The following PCDH9 variants were observed in gnomAD, a reference collection of about 807,000 sequenced individuals.
The protein encoded by PCDH9 is protocadherin-9.
PCDH9 carries 24 observed loss-of-function variants against 70.6 expected under a neutral mutation model. The ratio of observed to expected loss-of-function variants is 0.34; its 90% CI spans 0.25 to 0.48. The LOEUF is 0.48. PCDH9 is among the 20% of genes least tolerant of loss of function. The pLI is 0.99. For missense variants in PCDH9, 1,281 were observed against 1,503.6 expected, an observed-to-expected ratio of 0.85 and a Z score of 2.45; for synonymous variants, 562 against 558.5, an observed-to-expected ratio of 1.01 and a Z score of -0.09.
intron 4 of PCDH9, among the ~76,000 whole-genome samples, chr13:66,614,103 G>C (rs2077327033): frequency 6.6e-6 from 1 of 152,146 alleles, no homozygotes; most frequent in African/African-American, 2.4e-5. Context: ...GTTAAAAATT[G>C]CTAGGAGTTA....
intron 2 of PCDH9, among the ~76,000 whole-genome samples, chr13:66,958,678 TA>T (rs1384344835): frequency 6.6e-6 from 1 of 152,216 alleles, no homozygotes; most frequent in Non-Finnish European, 1.5e-5. Context: ...TTTGTTCTTT[TA>T]TTTTTTTCAT....
chr13:66,881,971 A>C (rs1028869448), intron 3 of PCDH9, among the ~76,000 whole-genome samples: 6 of 152,198 alleles, frequency 3.9e-5, no homozygotes. Flanking sequence ...TTATGTATAA[A>C]CTATTAAATC....
At chr13:66,761,977 G>GA (rs1369452449) in intron 3 of PCDH9, among the ~76,000 whole-genome samples, 1 of 151,196 alleles carries the variant, frequency 6.6e-6, no homozygotes, top group Non-Finnish European at 1.5e-5. Flanking sequence ...CCTACACATT[G>GA]AAAAAACATT....
chr13:66,579,109 G>A (rs1260404561), intron 4 of PCDH9, among the ~76,000 whole-genome samples: 2 of 152,028 alleles, frequency 1.3e-5, no homozygotes, highest in Non-Finnish European at 2.9e-5. Context: ...TGTAATGGAA[G>A]CCCCTCTATT....
intron 4 of PCDH9, among the ~76,000 whole-genome samples, chr13:66,539,274 C>T (rs2138652202): frequency 6.6e-6 from 1 of 152,174 alleles, no homozygotes; most frequent in Non-Finnish European, 1.5e-5. Context: ...TTACCATTTA[C>T]ATCTTGATAT....
chr13:66,965,909 C>T (rs1045188154), intron 2 of PCDH9, among the ~76,000 whole-genome samples: 6 of 151,694 alleles, frequency 4.0e-5, no homozygotes, highest in Non-Finnish European at 8.8e-5. Context: ...CAAATCAATA[C>T]CAAGTCATAT....
intron 3 of PCDH9, among the ~76,000 whole-genome samples, chr13:66,691,064 G>T (rs1388218854): frequency 6.6e-6 from 1 of 151,850 alleles, no homozygotes; most frequent in African/African-American, 2.4e-5. Context: ...TTGAGATGGA[G>T]TCTCACCCTG....
intron 3 of PCDH9, among the ~76,000 whole-genome samples, chr13:66,882,043 T>G (rs377432242): frequency 1.2e-4 from 18 of 152,318 alleles, no homozygotes; most frequent in African/African-American, 4.3e-4. Context: ...AACTTACTAT[T>G]GTATTGAATA....
chr13:66,390,733 C>A (rs895917815), intron 4 of PCDH9, among the ~76,000 whole-genome samples: 41 of 137,982 alleles, frequency 3.0e-4, no homozygotes, highest in African/African-American at 3.4e-4. Context: ...GGAGTCATCT[C>A]AAAAAAAAAA....
At chr13:67,107,056 C>T (rs2086560676) in intron 2 of PCDH9, among the ~76,000 whole-genome samples, 1 of 152,150 alleles carries the variant, frequency 6.6e-6, no homozygotes, top group African/African-American at 2.4e-5. Context: ...CAGACAGGCT[C>T]CTTGATGGAA....
chr13:67,226,991 G>A lies in PCDH9; in HGVS notation c.1450C>T (p.Arg484Cys). 1 of 1,614,116 alleles carries A rather than the reference G, an allele frequency of 6.2e-7. No homozygotes were observed. The highest frequency in any genetic ancestry group is 8.5e-7 in the Non-Finnish European group (1 of 1,180,024). Residue 484 changes from arginine to cysteine, a missense_variant, in exon 2 of 5, where the codon CGT becomes TGT. This residue lies in a region of PCDH9 where 798 missense variants were observed against 1,003.1 expected (regional missense o/e 0.80). Transcript: ENST00000377865. The surrounding 1 kb of genome is among the most constrained non-coding windows in gnomAD (Gnocchi z 5.0). Reference protein sequence around the residue: ...IELSVSENNRRGLYLTTISAT... With the variant: ...IELSVSENNRCGLYLTTISAT... ...CTAATAGTTGTTAAGTATAACCCACGTCGGTTGTTTTCAGAAACTGACAGC... is the reference window on the plus strand; with the variant it reads ...CTAATAGTTGTTAAGTATAACCCACATCGGTTGTTTTCAGAAACTGACAGC...
chr13:66,944,815 C>CTGTGTGTGTGTGTG (rs1412776510), intron 2 of PCDH9, among the ~76,000 whole-genome samples: 1 of 60,072 alleles, frequency 1.7e-5, no homozygotes, highest in African/African-American at 8.0e-5. Context: ...TTCTAATCGT[C>CTGTGTGTGTGTGTG]TCTGTGTGTG....
At chr13:67,191,955 AAC>A (rs963842545) in intron 2 of PCDH9, among the ~76,000 whole-genome samples, 1 of 152,140 alleles carries the variant, frequency 6.6e-6, no homozygotes, top group African/African-American at 2.4e-5. Context: ...GGAGTAAATC[AAC>A]ACATTAAAAT....
intron 2 of PCDH9, among the ~76,000 whole-genome samples, chr13:67,142,582 A>G (rs1278556673): frequency 6.6e-6 from 1 of 152,232 alleles, no homozygotes; most frequent in Non-Finnish European, 1.5e-5. Flanking sequence ...GAATGAGCAA[A>G]GACAACCTTT....
chr13:66,689,940 G>A (rs192012601), intron 3 of PCDH9, among the ~76,000 whole-genome samples: 3 of 152,054 alleles, frequency 2.0e-5, no homozygotes, highest in Non-Finnish European at 4.4e-5. Flanking sequence ...TATATCCTAA[G>A]TATTATCTTT....
intron 3 of PCDH9, among the ~76,000 whole-genome samples, chr13:66,760,796 G>T (rs1307574166): frequency 1.3e-5 from 2 of 152,130 alleles, no homozygotes; most frequent in Non-Finnish European, 2.9e-5. Context: ...CCTGGGAAAA[G>T]AATGCATTCC....
chr13:66,748,089 A>C (rs1251097249), intron 3 of PCDH9, among the ~76,000 whole-genome samples: 1 of 152,180 alleles, frequency 6.6e-6, no homozygotes, highest in Non-Finnish European at 1.5e-5. Flanking sequence ...AAGCAGAAAA[A>C]CTTGAATTGC....
At chr13:66,655,103 T>TC (rs1365368358) in intron 3 of PCDH9, among the ~76,000 whole-genome samples, 1 of 152,022 alleles carries the variant, frequency 6.6e-6, no homozygotes, top group Non-Finnish European at 1.5e-5. Flanking sequence ...TGAAGGCCTT[T>TC]CAACAAGTTG....
At chr13:67,182,862 A>G (rs1408764812) in intron 2 of PCDH9, among the ~76,000 whole-genome samples, 1 of 152,110 alleles carries the variant, frequency 6.6e-6, no homozygotes, top group Non-Finnish European at 1.5e-5. Context: ...CTTCACTACT[A>G]TTCCTAATTT....
Sources: gnomAD v4.1 joint callset for allele counts (sites outside exome capture counted in the v4.1 genomes callset) on GRCh38, gnomAD v4.1.1 for gene constraint, gnomAD v4.1.1 regional missense constraint, Gnocchi (gnomAD v3.1) non-coding constraint, MANE v1.5 for transcripts, NCBI Gene and HGNC (gene_info 2026-07-23, HGNC 2026-07-21) for gene names.